LTBP1: variants seen among roughly 807,000 people sequenced by gnomAD.
The protein encoded by LTBP1 is latent-transforming growth factor beta-binding protein 1.
A neutral mutation model predicts 207.6 loss-of-function variants in LTBP1; 129 were observed. The observed-to-expected ratio is 0.62, with a 90% CI of 0.54 to 0.72. The LOEUF (loss-of-function observed/expected upper bound fraction) is 0.72, where lower values mean the gene tolerates loss of function less well. LTBP1 is among the 30% of genes least tolerant of loss of function. The pLI is 0.00. For synonymous variants in LTBP1, 963 were observed against 833.7 expected, an observed-to-expected ratio of 1.16 and a Z score of -2.67; for missense variants, 2,281 against 2,217.2, an observed-to-expected ratio of 1.03 and a Z score of -0.58.
At chr2:32,968,226 A>G (rs114334777) in intron 2 of LTBP1, among the ~76,000 whole-genome samples, 9,699 of 152,204 alleles carry the variant, frequency 0.064, 566 homozygotes, top group East Asian at 0.24. Flanking sequence ...TTGGCCTCCC[A>G]AAGTGTAAGG....
chr2:33,275,584 T>C (rs1442916009), intron 17 of LTBP1, among the ~76,000 whole-genome samples: 1 of 151,974 alleles, frequency 6.6e-6, no homozygotes, highest in African/African-American at 2.4e-5. Context: ...CTTGGGAGGC[T>C]GAGGCAGGAG....
intron 5 of LTBP1, among the ~76,000 whole-genome samples, chr2:33,167,781 A>G (rs2085057877): frequency 6.6e-6 from 1 of 152,242 alleles, no homozygotes; most frequent in Non-Finnish European, 1.5e-5. Context: ...GACTAAAAAG[A>G]ACATGATGAC....
chr2:33,177,461 C>G (rs1172394730), intron 5 of LTBP1, among the ~76,000 whole-genome samples: 1 of 152,074 alleles, frequency 6.6e-6, no homozygotes, highest in Admixed American at 6.6e-5. Flanking sequence ...ACCAGCCTGG[C>G]CAACATGGTG....
chr2:33,165,107 A>G (rs1364530056), intron 5 of LTBP1, among the ~76,000 whole-genome samples: 1 of 152,204 alleles, frequency 6.6e-6, no homozygotes, highest in Non-Finnish European at 1.5e-5. Context: ...CAGTTTCATG[A>G]TCTAAATGGA....
intron 3 of LTBP1, among the ~76,000 whole-genome samples, chr2:33,063,943 T>G (rs970206242): frequency 2.6e-5 from 4 of 152,002 alleles, no homozygotes; most frequent in Non-Finnish European, 4.4e-5. Context: ...AACCTCTGCC[T>G]CCCAGGTTCA....
chr2:33,112,817 A>G (rs1441505338), intron 4 of LTBP1, among the ~76,000 whole-genome samples: 1 of 152,212 alleles, frequency 6.6e-6, no homozygotes, highest in Non-Finnish European at 1.5e-5. Context: ...TAGGTAAAAG[A>G]GGAGGCTCCA....
At chr2:33,024,052 C>T (rs1313453350) in intron 3 of LTBP1, among the ~76,000 whole-genome samples, 1 of 152,168 alleles carries the variant, frequency 6.6e-6, no homozygotes, top group East Asian at 1.9e-4. Context: ...TTGTGTGTCA[C>T]ATGAAGTGCT....
intron 5 of LTBP1, among the ~76,000 whole-genome samples, chr2:33,153,533 A>G (rs576183415): frequency 3.9e-5 from 6 of 152,288 alleles, no homozygotes; most frequent in African/African-American, 1.4e-4. Context: ...TCCTGCTACA[A>G]ATGATAACAA....
At chr2:33,222,595 G>A (rs530661613) in intron 9 of LTBP1, among the ~76,000 whole-genome samples, 1 of 152,314 alleles carries the variant, frequency 6.6e-6, no homozygotes, top group South Asian at 2.1e-4. Flanking sequence ...CTAGATATCA[G>A]AGTAAACACA....
rs140179008 is a variant in LTBP1 at position 33,245,083 on chromosome 2, T to C, written c.1999+1299T>C. The stretch of plus-strand genomic sequence containing the variant: ...TTAGTAGAGACAGGGTTTTGCCATA[T>C]TGGTCAGGCTGGTCTTGAACTCATG... On this transcript the variant is annotated intron_variant, in intron 10 of 33. Coordinates refer to ENST00000404816, the MANE Select transcript of LTBP1 (RefSeq NM_206943.4). Among the ~76,000 whole-genome samples the C allele has an allele frequency of 7.2e-3, 1,098 of 152,280 alleles. 15 individuals are homozygous for C. Among genetic ancestry groups the C allele is most frequent in the African/African-American group, 0.024 (1,018 of 41,558 alleles).
chr2:33,083,354 A>G (rs894301593), intron 3 of LTBP1, among the ~76,000 whole-genome samples: 3 of 152,098 alleles, frequency 2.0e-5, no homozygotes, highest in African/African-American at 2.4e-5. Flanking sequence ...ATCATTTCTC[A>G]AAAAATGTGT....
At chr2:33,345,626 C>G (rs951484598) in intron 25 of LTBP1, among the ~76,000 whole-genome samples, 4 of 152,264 alleles carry the variant, frequency 2.6e-5, no homozygotes, top group African/African-American at 9.6e-5. Context: ...CAAGTGAAAC[C>G]AGTTCATTGG....
At chr2:33,260,559 A>G (rs549484927) in intron 13 of LTBP1, among the ~76,000 whole-genome samples, 1 of 152,356 alleles carries the variant, frequency 6.6e-6, no homozygotes, top group African/African-American at 2.4e-5. Context: ...GGGATAGAGT[A>G]ACATATATGT....
intron 31 of LTBP1, among the ~76,000 whole-genome samples, chr2:33,386,297 T>C (rs1478325361): frequency 1.3e-5 from 2 of 152,222 alleles, no homozygotes; most frequent in African/African-American, 2.4e-5. Context: ...CACCCTCACC[T>C]TCAGTCCTTT....
chr2:33,087,084 C>CTTTTTTTTTTTTTTTTTTTTTTTTTTTTT (rs35334788), intron 3 of LTBP1, among the ~76,000 whole-genome samples: 7 of 89,026 alleles, frequency 7.9e-5, no homozygotes, highest in Non-Finnish European at 1.2e-4. Flanking sequence ...CTCCTTTATG[C>CTTTTTTTTTTTTTTTTTTTTTTTTTTTTT]TTTTTTTTTT....
intron 4 of LTBP1, among the ~76,000 whole-genome samples, chr2:33,113,748 G>A (rs1349419480): frequency 6.6e-6 from 1 of 152,128 alleles, no homozygotes; most frequent in African/African-American, 2.4e-5. Context: ...CCGTGTTGTA[G>A]CATGTATCAG....
intron 5 of LTBP1, among the ~76,000 whole-genome samples, chr2:33,149,241 A>AAC (rs762906969): frequency 0.056 from 8,147 of 144,414 alleles, 296 homozygotes; most frequent in Middle Eastern, 0.13. Flanking sequence ...AAAAAAAAAA[A>AAC]AAAAAAAAAA....
intron 24 of LTBP1, among the ~76,000 whole-genome samples, chr2:33,339,343 G>A (rs564169506): frequency 6.6e-6 from 1 of 152,302 alleles, no homozygotes; most frequent in East Asian, 1.9e-4. Context: ...GAAATCATCA[G>A]TATGTAAATG....
chr2:32,984,224 A>T (rs1432024719), intron 2 of LTBP1, among the ~76,000 whole-genome samples: 1 of 152,170 alleles, frequency 6.6e-6, no homozygotes, highest in Non-Finnish European at 1.5e-5. Flanking sequence ...GTCTGTTTCC[A>T]CTTTATTGCT....
Sources: gnomAD v4.1 joint callset for allele counts (sites outside exome capture counted in the v4.1 genomes callset) on GRCh38, gnomAD v4.1.1 for gene constraint, MANE v1.5 for transcripts, NCBI Gene and HGNC (gene_info 2026-07-23, HGNC 2026-07-21) for gene names.